DAB2IP: variants seen among roughly 807,000 people sequenced by gnomAD.
DAB2IP encodes DAB2 interacting protein, also known as disabled homolog 2-interacting protein.
Under a neutral mutation model 107.2 loss-of-function variants are expected in DAB2IP, and 28 were observed. That is an observed-to-expected ratio of 0.26 (90% CI 0.19 to 0.36). The LOEUF is 0.36. Ranked by LOEUF, DAB2IP falls within the 10% of genes least tolerant of loss-of-function variation. The probability of loss-of-function intolerance (pLI) is 1.00; values close to 1 mark genes in which losing one functional copy is unlikely to be tolerated. For missense variants in DAB2IP, 1,400 were observed against 1,644.7 expected, an observed-to-expected ratio of 0.85 and a Z score of 2.57; for synonymous variants, 755 against 706.4, an observed-to-expected ratio of 1.07 and a Z score of -1.09.
rs750034982 is a variant in DAB2IP at position 121,781,576 on chromosome 9, G to A, written c.3402+25G>A. 3 of 1,610,136 alleles carry A rather than the reference G, an allele frequency of 1.9e-6. No individual in the cohort carries two copies. In the South Asian group the frequency reaches 3.3e-5, roughly 18 times the overall value. On this transcript the variant is annotated intron_variant, in intron 15 of 15. Transcript: ENST00000408936. ...GGTGGGGGCTCCGGCCCTTTGGTCA[G>A]CCACAAGAGTTAAAGGGCCTGGGAT...
At chr9:121,627,969 A>G (rs919006976) in intron 1 of DAB2IP, among the ~76,000 whole-genome samples, 11 of 152,162 alleles carry the variant, frequency 7.2e-5, no homozygotes, top group African/African-American at 2.4e-4. Context: ...TTCAGGGAAC[A>G]TCCTTTGTGG....
chr9:121,722,116 A>G (rs1830971861), intron 3 of DAB2IP, among the ~76,000 whole-genome samples: 1 of 152,204 alleles, frequency 6.6e-6, no homozygotes, highest in Non-Finnish European at 1.5e-5. Flanking sequence ...AGAAACCTCC[A>G]GGACACACGA....
Position 121,599,993 on chromosome 9 carries a change from G to T in DAB2IP, c.40+32765G>T, listed in dbSNP as rs12380078. Among the ~76,000 whole-genome samples, 1 of 151,878 alleles carries T rather than the reference G, an allele frequency of 6.6e-6. No homozygotes were observed. Among genetic ancestry groups the T allele is most frequent in the African/African-American group, 2.4e-5 (1 of 41,374 alleles). ...ATTGAGCCTTTAAACTTTCCTGTGC[G>T]CCCTGCCCAGATCTCGACCGCCGGG... On this transcript the variant is annotated intron_variant, in intron 1 of 16. Coordinates refer to the DAB2IP transcript ENST00000259371. This position sits in a 1 kb window ranked among gnomAD's most constrained non-coding sequence, Gnocchi z 6.9.
chr9:121,684,203 G>C lies in DAB2IP; in HGVS notation c.228+5422G>C, dbSNP rs2119149973. ...GCTAGTGGGTGACCCTCCCGCCCAT[G>C]TCACCATGGAAAGGCTGTTGGAAAT... On this transcript the variant is annotated intron_variant, in intron 2 of 15. Coordinates refer to ENST00000408936, the Ensembl canonical transcript of DAB2IP. The surrounding 1 kb of genome is among the most constrained non-coding windows in gnomAD (Gnocchi z 4.0). Among the ~76,000 whole-genome samples, 1 of 152,262 alleles carries C rather than the reference G, an allele frequency of 6.6e-6. No individual in the cohort carries two copies. The highest frequency in any genetic ancestry group is 1.9e-4 in the East Asian group (1 of 5,176).
chr9:121,581,981 CG>C (rs1193326713), intron 1 of DAB2IP, among the ~76,000 whole-genome samples: 3 of 152,142 alleles, frequency 2.0e-5, no homozygotes, highest in African/African-American at 4.8e-5. Flanking sequence ...GCCAAGCTGC[CG>C]GCTGGAACAA....
intron 3 of DAB2IP, among the ~76,000 whole-genome samples, chr9:121,740,854 T>C (rs1329420327): frequency 6.6e-6 from 1 of 152,196 alleles, no homozygotes; most frequent in Non-Finnish European, 1.5e-5. Context: ...TATTACCTCA[T>C]TTTATACATG....
chr9:121,659,292 T>C (rs1402014086), intron 1 of DAB2IP, among the ~76,000 whole-genome samples: 2 of 152,202 alleles, frequency 1.3e-5, no homozygotes, highest in Non-Finnish European at 2.9e-5. Context: ...AGCTTGGTTT[T>C]TCTATCCATT....
intron 1 of DAB2IP, among the ~76,000 whole-genome samples, chr9:121,580,159 C>G (rs1264197667): frequency 6.6e-6 from 1 of 152,158 alleles, no homozygotes; most frequent in African/African-American, 2.4e-5. Flanking sequence ...ATTGTTGGAG[C>G]CCTGGTCTTT....
intron 2 of DAB2IP, among the ~76,000 whole-genome samples, chr9:121,691,597 G>A (rs1829165839): frequency 6.6e-6 from 1 of 152,026 alleles, no homozygotes; most frequent in Non-Finnish European, 1.5e-5. Flanking sequence ...TGTATGCAGG[G>A]AAATGGGCTA....
At position 121,635,956 on chromosome 9, in the gene DAB2IP, T is replaced by G. The variant is rs1019004771; in HGVS notation, c.41-42722T>G. Among the ~76,000 whole-genome samples the G allele has an allele frequency of 4.6e-5, 7 of 152,096 alleles. No homozygotes were observed. The highest frequency in any genetic ancestry group is 3.4e-3 in the Middle Eastern group (1 of 294). ...CTTGCTCTGTCTCCCCAGGCTGGAGTGCAGTGGCACGATCTCGGCTCACTG... is the reference window on the plus strand; with the variant it reads ...CTTGCTCTGTCTCCCCAGGCTGGAGGGCAGTGGCACGATCTCGGCTCACTG... On this transcript the variant is annotated intron_variant, in intron 1 of 16. Transcript: ENST00000259371. This position sits in a 1 kb window ranked among gnomAD's most constrained non-coding sequence, Gnocchi z 4.3.
intron 1 of DAB2IP, among the ~76,000 whole-genome samples, chr9:121,593,712 G>T (rs1830465102): frequency 6.9e-6 from 1 of 145,154 alleles, no homozygotes; most frequent in African/African-American, 2.6e-5. Context: ...CTGTTGCCCA[G>T]GCTGGAGTGC....
rs1474088449 is a variant in DAB2IP at position 121,776,457 on chromosome 9, A to C, written c.3314+66A>C. 13 of 1,445,386 alleles carry C rather than the reference A, an allele frequency of 9.0e-6. No individual in the cohort carries two copies. Among genetic ancestry groups the C allele is most frequent in the African/African-American group, 1.4e-5 (1 of 69,444 alleles). The allele number at this position is 1,445,386 out of a possible 1,614,324, so 89.5% of individuals were successfully genotyped here. On this transcript the variant is annotated intron_variant, in intron 14 of 15. Coordinates refer to ENST00000408936, the Ensembl canonical transcript of DAB2IP. The surrounding 1 kb of genome is among the most constrained non-coding windows in gnomAD (Gnocchi z 5.4). ...AGGGCAGCCATCGCTGCCTTCGAGGAGGCCCCTGGTCGGGGAGCCTCCTCA... is the reference window on the plus strand; with the variant it reads ...AGGGCAGCCATCGCTGCCTTCGAGGCGGCCCCTGGTCGGGGAGCCTCCTCA...
At position 121,782,246 on chromosome 9, in the gene DAB2IP, C is replaced by A; in HGVS notation, c.3403-85C>A. ...GCCTGCCACCCTCATCTCCAGGCCA[C>A]CCCCTTCCCCGATGCTTGTCGTAGG... On this transcript the variant is annotated intron_variant, in intron 15 of 15. Transcript: ENST00000408936. This position sits in a 1 kb window ranked among gnomAD's most constrained non-coding sequence, Gnocchi z 6.1. 2 of 1,533,748 alleles carry A rather than the reference C, an allele frequency of 1.3e-6. No individual in the cohort carries two copies. The highest frequency in any genetic ancestry group is 1.8e-6 in the Non-Finnish European group (2 of 1,136,132).
rs546935483 is a variant in DAB2IP, at chr9:121,696,015, C to T, written c.229-3310C>T. ...TCCCGAGTAGCTGGGATTACAGGCT[C>T]GTGCCACCACGCCCGGCTAATTTTT... On this transcript the variant is annotated intron_variant, in intron 2 of 15. Transcript: ENST00000408936. 9.2e-5 allele frequency among the ~76,000 whole-genome samples: 14 copies of T among 152,044 alleles called. No individual in the cohort carries two copies. The South Asian group carries it at 2.5e-3, about 27-fold the overall frequency.
chr9:121,732,213 C>G (rs936365806), intron 3 of DAB2IP, among the ~76,000 whole-genome samples: 1 of 152,114 alleles, frequency 6.6e-6, no homozygotes, highest in Non-Finnish European at 1.5e-5. Context: ...ACTGTGACAA[C>G]CAAGAAAGAA....
At chr9:121,649,494 G>A (rs372061702), upstream of DAB2IP, among the ~76,000 whole-genome samples, 4 of 102,740 alleles carry the variant, frequency 3.9e-5, 1 homozygote, top group Admixed American at 2.9e-4. Flanking sequence ...TGAGCCTCCC[G>A]TCCCCTCCAG....
chr9:121,726,218 A>G (rs1831230500), intron 3 of DAB2IP, among the ~76,000 whole-genome samples: 1 of 152,246 alleles, frequency 6.6e-6, no homozygotes, highest in East Asian at 1.9e-4. Context: ...TTAATCAATC[A>G]TGCCTATGAA....
At chr9:121,695,978 C>T (rs1406106585) in intron 2 of DAB2IP, among the ~76,000 whole-genome samples, 1 of 152,154 alleles carries the variant, frequency 6.6e-6, no homozygotes, top group African/African-American at 2.4e-5. Context: ...ATGCAATTCT[C>T]CTGCCTCAGC....
chr9:121,597,715 G>T (rs1217574740), intron 1 of DAB2IP, among the ~76,000 whole-genome samples: 2 of 152,226 alleles, frequency 1.3e-5, no homozygotes, highest in Non-Finnish European at 2.9e-5. Flanking sequence ...AACTGAGGCA[G>T]AAGGTAAAAC....
Sources: allele counts gnomAD v4.1 joint callset (sites outside exome capture counted in the v4.1 genomes callset), GRCh38; gene constraint gnomAD v4.1.1; non-coding constraint Gnocchi (gnomAD v3.1); transcripts MANE v1.5; gene names NCBI Gene and HGNC (gene_info 2026-07-23, HGNC 2026-07-21).